RBFOX1: variants seen among roughly 807,000 people sequenced by gnomAD.
RBFOX1 encodes RNA binding protein fox-1 homolog 1.
RBFOX1 carries 8 observed loss-of-function variants against 57.7 expected under a neutral mutation model. That is an observed-to-expected ratio of 0.14 (90% confidence interval 0.08 to 0.25). RBFOX1 has a LOEUF of 0.25. Ranked by LOEUF, RBFOX1 falls within the 10% of genes least tolerant of loss-of-function variation. RBFOX1 has a pLI of 1.00. For synonymous variants in RBFOX1, 326 were observed against 222.4 expected (o/e 1.47, Z -4.15); for missense variants, 611 against 548.5 (o/e 1.11, Z -1.14).
rs988098158 is a variant in RBFOX1, at chr16:6,093,558, C to G, written c.-127+73566C>G. On this transcript the variant is annotated intron_variant, in intron 1 of 15. Transcript: ENST00000550418. ...AACTTTAATCTTGTCTACAATTTTT[C>G]TAACAAAAGGTATTTATGTATTGTG... Among the ~76,000 whole-genome samples the G allele has an allele frequency of 4.6e-5, 7 of 152,244 alleles. No homozygotes were observed. The South Asian group carries it at 1.0e-3, about 23-fold the overall frequency.
At chr16:6,688,709 T>A (rs2059793273) in intron 3 of RBFOX1, among the ~76,000 whole-genome samples, 1 of 152,174 alleles carries the variant, frequency 6.6e-6, no homozygotes. Flanking sequence ...TACATAGGTA[T>A]ACACATGCCA....
chr16:7,659,312 A>G (rs1366688802), intron 12 of RBFOX1, among the ~76,000 whole-genome samples: 2 of 152,250 alleles, frequency 1.3e-5, no homozygotes, highest in African/African-American at 2.4e-5. Flanking sequence ...AAAGTCTCCA[A>G]CAACAGTCTC....
chr16:6,614,818 C>G (rs1049925291), intron 2 of RBFOX1, among the ~76,000 whole-genome samples: 2 of 152,178 alleles, frequency 1.3e-5, no homozygotes, highest in Non-Finnish European at 2.9e-5. Flanking sequence ...TAGGGACTCA[C>G]CCTACTCCAG....
chr16:5,879,400 C>T (rs935404434), intron 4 of RBFOX1, among the ~76,000 whole-genome samples: 3 of 152,180 alleles, frequency 2.0e-5, no homozygotes, highest in African/African-American at 7.2e-5. Flanking sequence ...AGGCATGTCT[C>T]ATGAACTGCA....
intron 3 of RBFOX1, among the ~76,000 whole-genome samples, chr16:6,979,276 T>G (rs923584681): frequency 5.9e-5 from 9 of 152,120 alleles, no homozygotes; most frequent in Non-Finnish European, 8.8e-5. Context: ...CCTTAGAGGA[T>G]TCTATGGGGT....
At chr16:7,054,473 C>A (rs1468409454) in intron 4 of RBFOX1, among the ~76,000 whole-genome samples, 1 of 147,588 alleles carries the variant, frequency 6.8e-6, no homozygotes, top group Non-Finnish European at 1.5e-5. Context: ...GATCTCCTGA[C>A]CTCGTGATCC....
Position 7,608,643 on chromosome 16 carries a change from C to T in RBFOX1, c.676+1305C>T, listed in dbSNP as rs150700258. Among the ~76,000 whole-genome samples, 33 of 152,282 alleles carry T rather than the reference C, an allele frequency of 2.2e-4. No homozygotes were observed. In the East Asian group the frequency reaches 6.4e-3, roughly 29 times the overall value. ...CAGCTCGGGTTCAAATTCTGCCTCC[C>T]CTACTCACCAGCAGTGTGACTCTGG... On this transcript the variant is annotated intron_variant, in intron 10 of 15. Coordinates refer to ENST00000550418, the MANE Select transcript of RBFOX1 (RefSeq NM_018723.4).
chr16:6,003,284 A>G (rs1452741283), intron 4 of RBFOX1, among the ~76,000 whole-genome samples: 2 of 149,866 alleles, frequency 1.3e-5, no homozygotes. Flanking sequence ...CTGTCTCCAA[A>G]AAAAAAAAAA....
chr16:6,669,469 A>T (rs534090689), intron 3 of RBFOX1, among the ~76,000 whole-genome samples: 1 of 152,148 alleles, frequency 6.6e-6, no homozygotes, highest in East Asian at 1.9e-4. Context: ...GGTTTTTCAT[A>T]TTTTCTTTGT....
intron 2 of RBFOX1, among the ~76,000 whole-genome samples, chr16:6,635,364 A>G (rs561911637): frequency 1.1e-4 from 16 of 152,258 alleles, no homozygotes; most frequent in African/African-American, 3.4e-4. Context: ...TATAAGTACA[A>G]GTGAAATCAT....
intron 3 of RBFOX1, among the ~76,000 whole-genome samples, chr16:6,913,563 T>C (rs1397251960): frequency 3.9e-5 from 6 of 152,092 alleles, no homozygotes; most frequent in African/African-American, 1.4e-4. Flanking sequence ...AGGGTGTCTT[T>C]TGAAGGAGAA....
At chr16:5,772,909 A>G (rs139837802) in intron 3 of RBFOX1, among the ~76,000 whole-genome samples, 2 of 152,310 alleles carry the variant, frequency 1.3e-5, no homozygotes, top group East Asian at 3.9e-4. Context: ...GGTTTTGCAG[A>G]CATTGGAGGA....
At chr16:6,467,020 GTTTA>G (rs1447065313) in intron 2 of RBFOX1, among the ~76,000 whole-genome samples, 1 of 150,668 alleles carries the variant, frequency 6.6e-6, no homozygotes, top group East Asian at 1.9e-4. Context: ...ATATAATAAA[GTTTA>G]TTTAATATAT....
intron 3 of RBFOX1, among the ~76,000 whole-genome samples, chr16:6,840,143 G>A (rs2093377530): frequency 6.6e-6 from 1 of 152,120 alleles, no homozygotes; most frequent in Non-Finnish European, 1.5e-5. Context: ...TTTTCATGGA[G>A]ATAATCAGGC....
chr16:5,792,487 A>C (rs777955656), intron 3 of RBFOX1, among the ~76,000 whole-genome samples: 23 of 152,228 alleles, frequency 1.5e-4, no homozygotes, highest in Non-Finnish European at 2.4e-4. Context: ...CAAATGTTCT[A>C]TGTAATATAT....
At chr16:6,061,945 G>T (rs557440549) in intron 1 of RBFOX1, among the ~76,000 whole-genome samples, 1 of 152,156 alleles carries the variant, frequency 6.6e-6, no homozygotes, top group Non-Finnish European at 1.5e-5. Flanking sequence ...GGAAGCCTCA[G>T]GTTGTGACCT....
chr16:5,834,623 T>TAGA (rs201984836), intron 3 of RBFOX1, among the ~76,000 whole-genome samples: 1 of 151,694 alleles, frequency 6.6e-6, no homozygotes, highest in African/African-American at 2.4e-5. Flanking sequence ...GATAGATAGA[T>TAGA]TGACTGATTT....
intron 4 of RBFOX1, among the ~76,000 whole-genome samples, chr16:7,179,465 C>T (rs1479628203): frequency 1.3e-5 from 2 of 152,148 alleles, no homozygotes; most frequent in Non-Finnish European, 2.9e-5. Flanking sequence ...AACTGATTTA[C>T]GGTTCACCAA....
chr16:7,709,423 ACAGAATG>A (rs2083534362), intron 15 of RBFOX1: 1 of 1,320,714 alleles, frequency 7.6e-7, no homozygotes, highest in Non-Finnish European at 1.0e-6. Flanking sequence ...TCCATCACTA[ACAGAATG>A]CAGTGTCAAT....
Sources: allele counts gnomAD v4.1 joint callset (sites outside exome capture counted in the v4.1 genomes callset), GRCh38; gene constraint gnomAD v4.1.1; transcripts MANE v1.5; gene names NCBI Gene and HGNC (gene_info 2026-07-23, HGNC 2026-07-21).